The following ZNF366 variants were observed in gnomAD, a reference collection of about 807,000 sequenced individuals.
The protein encoded by ZNF366 is dendritic cell-specific transcript protein.
In ZNF366, 20 loss-of-function variants were observed where a neutral mutation model predicts 47.2. The ratio of observed to expected loss-of-function variants is 0.42; its 90% CI spans 0.30 to 0.62. ZNF366 has a LOEUF of 0.62. Among genes scored for constraint, ZNF366 ranks in the 20% least tolerant of loss-of-function variants. The probability of loss-of-function intolerance (pLI) is 0.16; values close to 1 mark genes in which losing one functional copy is unlikely to be tolerated. For missense variants in ZNF366, 987 were observed against 976.3 expected (o/e 1.01, Z -0.15); for synonymous variants, 421 against 395.1 (o/e 1.07, Z -0.78).
chr5:72,483,826 T>C (rs936429881), intron 1 of ZNF366, among the ~76,000 whole-genome samples: 1 of 152,170 alleles, frequency 6.6e-6, no homozygotes, highest in African/African-American at 2.4e-5. Flanking sequence ...GTAAGAATCA[T>C]GTGCTCCTGG....
At chr5:72,488,505 G>A (rs1468490447) in intron 1 of ZNF366, among the ~76,000 whole-genome samples, 2 of 152,160 alleles carry the variant, frequency 1.3e-5, no homozygotes, top group African/African-American at 4.8e-5. Flanking sequence ...AATAAGCAAG[G>A]AAATCTATGA....
intron 3 of ZNF366, 33 bp from the exon 4 acceptor site, chr5:72,447,450 T>C: frequency 6.2e-7 from 1 of 1,611,166 alleles, no homozygotes; most frequent in Non-Finnish European, 8.5e-7. Flanking sequence ...CACAGGTTAC[T>C]CTGCCCGAGT....
At chr5:72,473,751 C>A (rs993640157) in intron 1 of ZNF366, among the ~76,000 whole-genome samples, 1 of 152,128 alleles carries the variant, frequency 6.6e-6, no homozygotes, top group Non-Finnish European at 1.5e-5. Context: ...TGTATGTTTT[C>A]CCCCTATATT....
intron 3 of ZNF366, among the ~76,000 whole-genome samples, chr5:72,448,666 C>T (rs1487217209): frequency 6.6e-6 from 1 of 152,126 alleles, no homozygotes; most frequent in Non-Finnish European, 1.5e-5. Context: ...TCCTCTGAGG[C>T]TTACACCAGT....
chr5:72,460,022 G>C, intron 2 of ZNF366, 143 bp downstream of exon 2: 1 of 1,170,116 alleles, frequency 8.5e-7, no homozygotes, highest in South Asian at 1.6e-5. Context: ...TCAGGGCTCG[G>C]CCAAGGGACC....
intron 1 of ZNF366, among the ~76,000 whole-genome samples, chr5:72,506,436 G>C (rs902851729): frequency 6.6e-6 from 1 of 152,078 alleles, no homozygotes; most frequent in Admixed American, 6.5e-5. Context: ...AGCTTGCTAC[G>C]CCCTATTTGG....
chr5:72,485,127 TG>T (rs1743868506), intron 1 of ZNF366, among the ~76,000 whole-genome samples: 1 of 152,210 alleles, frequency 6.6e-6, no homozygotes, highest in Non-Finnish European at 1.5e-5. Context: ...CATTAAAAAA[TG>T]TTTAGTAATT....
chr5:72,468,176 C>T (rs144249233), intron 1 of ZNF366, among the ~76,000 whole-genome samples: 15 of 152,224 alleles, frequency 9.9e-5, no homozygotes, highest in African/African-American at 2.6e-4. Flanking sequence ...AGGAATAGAA[C>T]GGTCTCAAAA....
At chr5:72,491,058 G>T (rs1055882284) in intron 1 of ZNF366, among the ~76,000 whole-genome samples, 5 of 150,788 alleles carry the variant, frequency 3.3e-5, no homozygotes, top group African/African-American at 1.2e-4. Flanking sequence ...GGATTTAATG[G>T]AGTGGTTTAG....
At chr5:72,473,649 C>T (rs1366628161) in intron 1 of ZNF366, among the ~76,000 whole-genome samples, 1 of 152,178 alleles carries the variant, frequency 6.6e-6, no homozygotes, top group African/African-American at 2.4e-5. Flanking sequence ...AACTTAAGTT[C>T]AGCTTCTTCC....
At position 72,481,550 on chromosome 5, in the gene ZNF366, T is replaced by A. The variant is rs567215392; in HGVS notation, c.-14-20040A>T. 2.6e-5 allele frequency among the ~76,000 whole-genome samples: 4 copies of A among 152,336 alleles called. No homozygotes were observed. The South Asian group carries it at 8.3e-4, about 32-fold the overall frequency. On this transcript the variant is annotated intron_variant, in intron 1 of 4. Transcript: ENST00000318442. ...TAGATTAGATTCTCTAGAAATAGAA[T>A]TACAAAGTGAAAGTATATTAATTTT...
At chr5:72,473,880 T>C (rs763124054) in intron 1 of ZNF366, among the ~76,000 whole-genome samples, 7 of 152,224 alleles carry the variant, frequency 4.6e-5, no homozygotes, top group Non-Finnish European at 7.3e-5. Flanking sequence ...ACCATGAAGA[T>C]ACTCAGTAGA....
At position 72,442,458 on chromosome 5, in the gene ZNF366, G is replaced by A. The variant is rs1325591956; in HGVS notation, c.*1298C>T. ...TTTTTTTTTAAAGGTCACCCCAGAT[G>A]CTTCTAATGTACAGCCAGCACTGAA... On this transcript the variant is annotated 3_prime_UTR_variant, in exon 5 of 5. Coordinates refer to ENST00000318442, the MANE Select transcript of ZNF366 (RefSeq NM_152625.3). 6.6e-6 allele frequency: 1 copy of A among 152,022 alleles called. No homozygotes were observed. The highest frequency in any genetic ancestry group is 1.5e-5 in the Non-Finnish European group (1 of 67,998). 9.4% of individuals were successfully genotyped at this position (152,022 alleles called of 1,614,324 possible).
chr5:72,446,408 G>A (rs755379995), intron 4 of ZNF366, among the ~76,000 whole-genome samples: 7 of 152,198 alleles, frequency 4.6e-5, no homozygotes, highest in Non-Finnish European at 8.8e-5. Flanking sequence ...CTGCCGCTGC[G>A]TGTAGTTCAC....
At chr5:72,455,808 T>C (rs755207771) in intron 3 of ZNF366, among the ~76,000 whole-genome samples, 17 of 152,236 alleles carry the variant, frequency 1.1e-4, no homozygotes, top group Non-Finnish European at 2.1e-4. Context: ...GAAGTGACTG[T>C]GCTCGCAGTT....
At chr5:72,502,574 T>C (rs1744229835) in intron 1 of ZNF366, among the ~76,000 whole-genome samples, 1 of 152,228 alleles carries the variant, frequency 6.6e-6, no homozygotes, top group East Asian at 1.9e-4. Flanking sequence ...ATATGACCTG[T>C]GAATGCTGAT....
chr5:72,457,196 C>T (rs1257401774), intron 2 of ZNF366, among the ~76,000 whole-genome samples: 1 of 152,180 alleles, frequency 6.6e-6, no homozygotes. Context: ...TTCCCTAAGC[C>T]AGCTCCTTCT....
rs1253845732 is a variant in ZNF366, at chr5:72,476,073, TA to T, written c.-14-14564del. Among the ~76,000 whole-genome samples, 12 of 152,216 alleles carry T rather than the reference TA, an allele frequency of 7.9e-5. No individual in the cohort carries two copies. In the South Asian group the frequency reaches 1.0e-3, roughly 13 times the overall value. ...AAGTTTTATTTTCCTGGTAGCACCA[TA>T]AAAAAATTTCTTGGTCATTCATATG... On this transcript the variant is annotated intron_variant, in intron 1 of 4. Coordinates refer to ENST00000318442, the MANE Select transcript of ZNF366 (RefSeq NM_152625.3).
intron 1 of ZNF366, among the ~76,000 whole-genome samples, chr5:72,496,302 A>G (rs1426247369): frequency 6.6e-6 from 1 of 152,188 alleles, no homozygotes; most frequent in Non-Finnish European, 1.5e-5. Context: ...GGCCCCAGGA[A>G]ACCACCAATC....
Sources: gnomAD v4.1 joint callset for allele counts (sites outside exome capture counted in the v4.1 genomes callset) on GRCh38, gnomAD v4.1.1 for gene constraint, MANE v1.5 for transcripts, NCBI Gene and HGNC (gene_info 2026-07-23, HGNC 2026-07-21) for gene names.